The following ST6GALNAC3 variants were observed in gnomAD, a reference collection of about 807,000 sequenced individuals.
ST6GALNAC3 encodes the protein alpha-N-acetylgalactosaminide alpha-2,6-sialyltransferase 3.
In ST6GALNAC3, 25 loss-of-function variants were observed where a neutral mutation model predicts 32.7. The observed-to-expected ratio is 0.76, with a 90% confidence interval of 0.56 to 1.07. The LOEUF is 1.07. Among genes scored for constraint, ST6GALNAC3 ranks in the 50% least tolerant of loss-of-function variants. ST6GALNAC3 has a pLI of 0.00. For missense variants in ST6GALNAC3, 355 were observed against 382.4 expected (o/e 0.93, Z 0.60); for synonymous variants, 129 against 133.1 (o/e 0.97, Z 0.21).
intron 3 of ST6GALNAC3, among the ~76,000 whole-genome samples, chr1:76,609,030 A>G (rs1647749512): frequency 6.6e-6 from 1 of 152,196 alleles, no homozygotes; most frequent in African/African-American, 2.4e-5. Flanking sequence ...GTTTCTGGTT[A>G]TAAGAGAAAA....
chr1:76,575,711 A>G (rs988677574), intron 3 of ST6GALNAC3, among the ~76,000 whole-genome samples: 3 of 152,092 alleles, frequency 2.0e-5, no homozygotes, highest in Non-Finnish European at 4.4e-5. Context: ...GTATTTACCA[A>G]TGATGGTATT....
At chr1:76,349,725 A>T (rs1648816875) in intron 2 of ST6GALNAC3, among the ~76,000 whole-genome samples, 1 of 152,128 alleles carries the variant, frequency 6.6e-6, no homozygotes, top group South Asian at 2.1e-4. Context: ...AAAAAGGAGG[A>T]TTTATCTCAT....
chr1:76,278,914 C>T (rs1659339872), intron 1 of ST6GALNAC3, among the ~76,000 whole-genome samples: 1 of 152,152 alleles, frequency 6.6e-6, no homozygotes, highest in Non-Finnish European at 1.5e-5. Context: ...TACTTTCCCT[C>T]GGGCAAGAAG....
chr1:76,413,767 G>T (rs1476949431), intron 3 of ST6GALNAC3, among the ~76,000 whole-genome samples: 1 of 152,128 alleles, frequency 6.6e-6, no homozygotes, highest in African/African-American at 2.4e-5. Flanking sequence ...ATGACAGGCA[G>T]TAGAGATGAA....
chr1:76,381,487 C>T (rs1651711959), intron 2 of ST6GALNAC3, among the ~76,000 whole-genome samples: 1 of 151,892 alleles, frequency 6.6e-6, no homozygotes, highest in Non-Finnish European at 1.5e-5. Flanking sequence ...TATTTTTATA[C>T]ATCATTTAAT....
At chr1:76,328,966 G>A (rs934709229) in intron 2 of ST6GALNAC3, among the ~76,000 whole-genome samples, 1 of 151,982 alleles carries the variant, frequency 6.6e-6, no homozygotes, top group Non-Finnish European at 1.5e-5. Context: ...ATGAGTCTGT[G>A]GTCAATTTGC....
intron 3 of ST6GALNAC3, among the ~76,000 whole-genome samples, chr1:76,467,943 G>A (rs1030355031): frequency 6.6e-6 from 1 of 151,898 alleles, no homozygotes; most frequent in Non-Finnish European, 1.5e-5. Flanking sequence ...TTAATGTAAC[G>A]CCAGTGAGGA....
At chr1:76,522,336 T>A (rs1662595534) in intron 3 of ST6GALNAC3, among the ~76,000 whole-genome samples, 1 of 152,162 alleles carries the variant, frequency 6.6e-6, no homozygotes, top group African/African-American at 2.4e-5. Context: ...GATACTTTTC[T>A]TCAATTTGGA....
At position 76,525,771 on chromosome 1, in the gene ST6GALNAC3, TTGTG is replaced by T. The variant is rs1167452856; in HGVS notation, c.624-101663_624-101660del. Among the ~76,000 whole-genome samples, 132 of 93,104 alleles carry T rather than the reference TTGTG, an allele frequency of 1.4e-3. 3 individuals are homozygous for T. The highest frequency in any genetic ancestry group is 2.7e-3 in the East Asian group (6 of 2,256). The allele number at this position is 93,104 out of a possible 152,430, so 61.1% of individuals were successfully genotyped here. A position where few individuals can be genotyped will look rare whatever the true frequency, so the allele number is the denominator to read the frequency against. ...TATGTGTATATATGTGTATGTGTGT[TTGTG>T]TGTGTGTGTGTGTGTGTATATATAT... On this transcript the variant is annotated intron_variant, in intron 3 of 4. Transcript: ENST00000328299.
chr1:76,485,192 T>C (rs1660027498), intron 3 of ST6GALNAC3, among the ~76,000 whole-genome samples: 1 of 152,148 alleles, frequency 6.6e-6, no homozygotes, highest in South Asian at 2.1e-4. Context: ...TCTTTTTTTG[T>C]TGTGTGTCTA....
At chr1:76,433,962 CATTT>C (rs1300496579) in intron 3 of ST6GALNAC3, among the ~76,000 whole-genome samples, 1 of 152,086 alleles carries the variant, frequency 6.6e-6, no homozygotes, top group Non-Finnish European at 1.5e-5. Context: ...TTTATTCATT[CATTT>C]ATTTATTTTA....
chr1:76,349,942 G>A (rs1474466945), intron 2 of ST6GALNAC3, among the ~76,000 whole-genome samples: 1 of 152,050 alleles, frequency 6.6e-6, no homozygotes, highest in Non-Finnish European at 1.5e-5. Flanking sequence ...GGTTGCTAGT[G>A]TTCTATTCTA....
chr1:76,520,739 T>A (rs1179221326), intron 3 of ST6GALNAC3, among the ~76,000 whole-genome samples: 1 of 152,226 alleles, frequency 6.6e-6, no homozygotes, highest in Non-Finnish European at 1.5e-5. Flanking sequence ...CACTGTGATA[T>A]GACCTTGTTT....
At chr1:76,123,392 A>T (rs902267537) in intron 1 of ST6GALNAC3, among the ~76,000 whole-genome samples, 3 of 151,996 alleles carry the variant, frequency 2.0e-5, no homozygotes, top group Non-Finnish European at 4.4e-5. Flanking sequence ...AAAAAAAAAA[A>T]AAAAGCTTTG....
intron 1 of ST6GALNAC3, among the ~76,000 whole-genome samples, chr1:76,115,230 GGC>G (rs1372310451): frequency 2.6e-5 from 4 of 152,124 alleles, no homozygotes; most frequent in Admixed American, 6.5e-5. Context: ...GTGGAAATCT[GGC>G]TCTCGGAGCT....
intron 1 of ST6GALNAC3, among the ~76,000 whole-genome samples, chr1:76,149,966 C>G (rs1177061252): frequency 1.3e-5 from 2 of 152,162 alleles, no homozygotes; most frequent in Non-Finnish European, 2.9e-5. Flanking sequence ...CAGAGCTCAC[C>G]TGGTTGATTC....
intron 3 of ST6GALNAC3, among the ~76,000 whole-genome samples, chr1:76,429,593 G>C (rs1286149969): frequency 1.3e-5 from 2 of 151,950 alleles, no homozygotes; most frequent in African/African-American, 4.8e-5. Flanking sequence ...ACAGTATAGG[G>C]ACCTTCAATA....
chr1:76,193,837 G>T (rs189217443), intron 1 of ST6GALNAC3, among the ~76,000 whole-genome samples: 2 of 152,212 alleles, frequency 1.3e-5, no homozygotes, highest in Admixed American at 1.3e-4. Context: ...TTTCTTCATG[G>T]CCTCCTTCTT....
At chr1:76,428,405 G>C (rs1313186542) in intron 3 of ST6GALNAC3, among the ~76,000 whole-genome samples, 1 of 152,048 alleles carries the variant, frequency 6.6e-6, no homozygotes, top group Non-Finnish European at 1.5e-5. Flanking sequence ...AATTATACTT[G>C]AGAAAACCTT....
Sources: allele counts gnomAD v4.1 joint callset (sites outside exome capture counted in the v4.1 genomes callset), GRCh38; gene constraint gnomAD v4.1.1; transcripts MANE v1.5; gene names NCBI Gene and HGNC (gene_info 2026-07-23, HGNC 2026-07-21).